Variants in COP1 observed in about 807,000 individuals in gnomAD.
COP1 encodes the protein COP1 E3 ubiquitin ligase, also known as E3 ubiquitin-protein ligase COP1.
A neutral mutation model predicts 101.3 loss-of-function variants in COP1; 24 were observed. That is an observed-to-expected ratio of 0.24 (90% CI 0.17 to 0.33). The LOEUF (loss-of-function observed/expected upper bound fraction) is 0.33. Among genes scored for constraint, COP1 ranks in the 10% least tolerant of loss-of-function variants. COP1 has a pLI of 1.00. For synonymous variants in COP1, 347 were observed against 341.9 expected (o/e 1.01, Z -0.17); for missense variants, 663 against 906.2 (o/e 0.73, Z 3.45).
At chr1:175,972,347 CT>C (rs1485903817) in intron 18 of COP1, among the ~76,000 whole-genome samples, 1 of 152,006 alleles carries the variant, frequency 6.6e-6, no homozygotes, top group African/African-American at 2.4e-5. Context: ...ACGTATTTTT[CT>C]GCTTTTGGTC....
intron 15 of COP1, among the ~76,000 whole-genome samples, chr1:175,990,524 T>C (rs975745067): frequency 2.0e-5 from 3 of 152,162 alleles, no homozygotes; most frequent in South Asian, 2.1e-4. Flanking sequence ...ATTCAAGTCT[T>C]CTAAAACTCT....
intron 6 of COP1, among the ~76,000 whole-genome samples, chr1:176,141,180 C>A (rs1259716509): frequency 6.6e-6 from 1 of 152,140 alleles, no homozygotes; most frequent in Non-Finnish European, 1.5e-5. Flanking sequence ...TACACCATTA[C>A]ACTTTCAATG....
At chr1:176,151,159 A>G (rs542004485) in intron 5 of COP1, among the ~76,000 whole-genome samples, 8 of 152,094 alleles carry the variant, frequency 5.3e-5, no homozygotes, top group Non-Finnish European at 1.0e-4. Context: ...AACTTCCAAA[A>G]AACATGTAAT....
At chr1:176,034,610 T>A (rs1669174316) in intron 14 of COP1, among the ~76,000 whole-genome samples, 2 of 152,084 alleles carry the variant, frequency 1.3e-5, no homozygotes, top group Middle Eastern at 6.8e-3. Flanking sequence ...CCCTGGGAGA[T>A]AAAGAGTCGG....
intron 11 of COP1, among the ~76,000 whole-genome samples, chr1:176,080,380 AT>A (rs1369446239): frequency 1.3e-5 from 2 of 152,162 alleles, no homozygotes; most frequent in Non-Finnish European, 2.9e-5. Flanking sequence ...ATAAGAGCAA[AT>A]TAAACCCTCA....
intron 9 of COP1, among the ~76,000 whole-genome samples, chr1:176,099,439 G>A (rs866109457): frequency 2.6e-5 from 4 of 151,252 alleles, no homozygotes; most frequent in African/African-American, 9.7e-5. Context: ...AACTTATTTT[G>A]AACTATTTAC....
chr1:176,075,571 T>A (rs759637880), intron 11 of COP1, among the ~76,000 whole-genome samples: 2 of 152,186 alleles, frequency 1.3e-5, no homozygotes, highest in Non-Finnish European at 2.9e-5. Context: ...GGTTTAACAA[T>A]GTCCATTTTA....
At chr1:176,104,043 C>T (rs550465420) in intron 9 of COP1, among the ~76,000 whole-genome samples, 2 of 152,068 alleles carry the variant, frequency 1.3e-5, no homozygotes, top group Middle Eastern at 3.4e-3. Context: ...TATCATAAAG[C>T]GTCTACAATA....
intron 9 of COP1, among the ~76,000 whole-genome samples, chr1:176,099,503 TTG>T: frequency 1.1e-5 from 1 of 94,758 alleles, no homozygotes; most frequent in East Asian, 3.6e-4. Flanking sequence ...TGGAGCATAT[TTG>T]TCTCTCTCTC....
intron 15 of COP1, among the ~76,000 whole-genome samples, chr1:175,989,962 C>T (rs1373474593): frequency 6.6e-6 from 1 of 151,996 alleles, no homozygotes; most frequent in Non-Finnish European, 1.5e-5. Flanking sequence ...TGGCATCCAC[C>T]ATCACAGGCA....
intron 15 of COP1, among the ~76,000 whole-genome samples, chr1:176,012,237 G>C (rs1281881650): frequency 6.6e-6 from 1 of 152,200 alleles, no homozygotes; most frequent in East Asian, 1.9e-4. Context: ...GGGCTCAGGT[G>C]AATTTCCCAC....
At chr1:176,076,276 C>G (rs181399156) in intron 11 of COP1, among the ~76,000 whole-genome samples, 11 of 152,222 alleles carry the variant, frequency 7.2e-5, no homozygotes, top group Admixed American at 6.5e-4. Context: ...AAGCATAACT[C>G]TTGGACCACA....
chr1:176,171,124 C>CAAA (rs1174700907), intron 3 of COP1, among the ~76,000 whole-genome samples: 722 of 56,544 alleles, frequency 0.013, 41 homozygotes, highest in African/African-American at 0.026. Context: ...GACTCCATCT[C>CAAA]AAAAAAAAAA....
intron 9 of COP1, among the ~76,000 whole-genome samples, chr1:176,088,849 G>T (rs1410042208): frequency 1.3e-5 from 2 of 151,640 alleles, no homozygotes; most frequent in African/African-American, 4.9e-5. Context: ...TACAAAATTA[G>T]CCAGGCATCG....
intron 15 of COP1, among the ~76,000 whole-genome samples, chr1:175,994,705 T>C (rs936219872): frequency 3.8e-4 from 58 of 152,194 alleles, no homozygotes; most frequent in African/African-American, 1.3e-3. Context: ...CTATGCTAAA[T>C]ATATATGCAC....
chr1:176,086,715 C>G (rs1272827439), intron 9 of COP1, among the ~76,000 whole-genome samples: 1 of 152,164 alleles, frequency 6.6e-6, no homozygotes, highest in Non-Finnish European at 1.5e-5. Flanking sequence ...ATGCCATCCC[C>G]ATCAAGCTAC....
chr1:176,038,544 G>T (rs1453677115), intron 14 of COP1, among the ~76,000 whole-genome samples: 1 of 152,208 alleles, frequency 6.6e-6, no homozygotes, highest in Non-Finnish European at 1.5e-5. Context: ...ATAGGGCTGG[G>T]CATGGTGGCT....
intron 3 of COP1, among the ~76,000 whole-genome samples, chr1:176,174,859 T>G (rs982828118): frequency 1.8e-4 from 27 of 152,198 alleles, no homozygotes; most frequent in African/African-American, 6.5e-4. Flanking sequence ...AAAATTATTC[T>G]TTAGCTTATT....
intron 8 of COP1, among the ~76,000 whole-genome samples, chr1:176,130,264 G>A (rs1475551227): frequency 6.6e-6 from 1 of 151,648 alleles, no homozygotes; most frequent in Non-Finnish European, 1.5e-5. Flanking sequence ...CTCTAGAAGG[G>A]CAGATAGGAT....
Sources: gnomAD v4.1 joint callset for allele counts (sites outside exome capture counted in the v4.1 genomes callset) on GRCh38, gnomAD v4.1.1 for gene constraint, MANE v1.5 for transcripts, NCBI Gene and HGNC (gene_info 2026-07-23, HGNC 2026-07-21) for gene names.